Variants in ODAD2 observed in about 807,000 individuals in gnomAD.
ODAD2 encodes outer dynein arm docking complex subunit 2.
ODAD2 carries 89 observed loss-of-function variants against 106.8 expected under a neutral mutation model. The observed-to-expected ratio is 0.83, with a 90% confidence interval of 0.70 to 0.99. The LOEUF (loss-of-function observed/expected upper bound fraction) is 0.99, where lower values mean the gene tolerates loss of function less well. ODAD2 is among the 50% of genes least tolerant of loss of function. The pLI, the probability that ODAD2 is intolerant of heterozygous loss-of-function variation, is 0.00. For synonymous variants in ODAD2, 404 were observed against 436.2 expected (o/e 0.93, Z 0.92); for missense variants, 1,168 against 1,238.5 (o/e 0.94, Z 0.85).
intron 16 of ODAD2, among the ~76,000 whole-genome samples, chr10:27,917,196 T>A (rs1036877766): frequency 6.6e-6 from 1 of 152,154 alleles, no homozygotes; most frequent in African/African-American, 2.4e-5. Context: ...CCTGACCTTG[T>A]GGTTTTAAAC....
chr10:27,929,668 T>C (rs1845478580), intron 16 of ODAD2, among the ~76,000 whole-genome samples: 1 of 152,212 alleles, frequency 6.6e-6, no homozygotes, highest in Non-Finnish European at 1.5e-5. Context: ...AATATGATAT[T>C]GCCTTCACAT....
At chr10:27,969,623 C>A (rs1848703169) in intron 8 of ODAD2, among the ~76,000 whole-genome samples, 1 of 152,204 alleles carries the variant, frequency 6.6e-6, no homozygotes, top group Non-Finnish European at 1.5e-5. Context: ...CCAGTGTCTC[C>A]CCTCTCCACA....
At chr10:27,865,708 A>G (rs1840389394) in intron 17 of ODAD2, among the ~76,000 whole-genome samples, 3 of 152,236 alleles carry the variant, frequency 2.0e-5, no homozygotes, top group Admixed American at 2.0e-4. Context: ...ACTAACATTC[A>G]TTGAATTTGA....
At chr10:27,900,672 A>G (rs1368362479) in intron 17 of ODAD2, among the ~76,000 whole-genome samples, 1 of 152,208 alleles carries the variant, frequency 6.6e-6, no homozygotes, top group African/African-American at 2.4e-5. Flanking sequence ...AGCATACACA[A>G]GTACCAATAG....
intron 16 of ODAD2, 87 bp from the exon 17 acceptor site, chr10:27,907,864 T>TC (rs1335456570): frequency 1.4e-5 from 13 of 954,644 alleles, no homozygotes; most frequent in Non-Finnish European, 2.1e-5. Context: ...AATTATTTTT[T>TC]CTCCTTTTGA....
chr10:27,972,346 G>T (rs954875702), intron 7 of ODAD2, among the ~76,000 whole-genome samples: 1 of 151,838 alleles, frequency 6.6e-6, no homozygotes. Context: ...AATTCAAAAG[G>T]GGCAGAGGAA....
At chr10:27,978,192 TGATAGATGCAAAAGC>T (rs1437428977) in intron 7 of ODAD2, among the ~76,000 whole-genome samples, 5 of 152,060 alleles carry the variant, frequency 3.3e-5, no homozygotes, top group African/African-American at 4.8e-5. Flanking sequence ...AATAAATTAA[TGATAGATGCAAAAGC>T]ATAGATGAAT....
intron 17 of ODAD2, among the ~76,000 whole-genome samples, chr10:27,867,356 T>C (rs2152019): frequency 0.68 from 103,978 of 152,034 alleles, 35,693 homozygotes; most frequent in Middle Eastern, 0.75. Flanking sequence ...GGTGCTGGGG[T>C]GTTCTGTTAG....
At chr10:27,988,177 G>A (rs897168989) in intron 2 of ODAD2, among the ~76,000 whole-genome samples, 1 of 151,670 alleles carries the variant, frequency 6.6e-6, no homozygotes, top group African/African-American at 2.4e-5. Flanking sequence ...CCATTTTAAT[G>A]ATTTTTTTCA....
intron 16 of ODAD2, among the ~76,000 whole-genome samples, chr10:27,913,651 C>A (rs1339423399): frequency 6.6e-6 from 1 of 152,048 alleles, no homozygotes; most frequent in Non-Finnish European, 1.5e-5. Flanking sequence ...AGCTGAATAA[C>A]CCCATTGAAA....
intron 17 of ODAD2, among the ~76,000 whole-genome samples, chr10:27,872,656 G>A (rs150229125): frequency 0.012 from 1,811 of 152,224 alleles, 37 homozygotes; most frequent in African/African-American, 0.04. Flanking sequence ...GCTGGATTAC[G>A]TTTATTGATT....
At chr10:27,827,639 C>T (rs1403823706) in intron 19 of ODAD2, among the ~76,000 whole-genome samples, 5 of 152,036 alleles carry the variant, frequency 3.3e-5, no homozygotes, top group Non-Finnish European at 5.9e-5. Context: ...ACCCATTTCT[C>T]TTCATCTCCA....
chr10:27,865,668 T>C (rs1295457997), intron 17 of ODAD2, among the ~76,000 whole-genome samples: 1 of 152,220 alleles, frequency 6.6e-6, no homozygotes, highest in Non-Finnish European at 1.5e-5. Flanking sequence ...CTGGTACCTA[T>C]GCCAGTTTCT....
intron 10 of ODAD2, chr10:27,958,736 G>A (rs1847901471): frequency 2.7e-6 from 2 of 750,954 alleles, no homozygotes; most frequent in Non-Finnish European, 3.7e-6. Context: ...TACATGTGTT[G>A]TATTTCATTT....
intron 9 of ODAD2, among the ~76,000 whole-genome samples, chr10:27,962,713 C>T (rs80213855): frequency 0.021 from 3,197 of 151,998 alleles, 81 homozygotes; most frequent in African/African-American, 0.061. Flanking sequence ...ATATGCCCTA[C>T]GTCCCTGCAG....
chr10:27,833,027 G>C (rs1160073103), intron 19 of ODAD2, among the ~76,000 whole-genome samples: 1 of 152,122 alleles, frequency 6.6e-6, no homozygotes, highest in Non-Finnish European at 1.5e-5. Flanking sequence ...TGATGAAATT[G>C]TTACCTTAAG....
intron 17 of ODAD2, among the ~76,000 whole-genome samples, chr10:27,882,168 A>AG (rs1841752234): frequency 2.1e-5 from 3 of 140,908 alleles, no homozygotes; most frequent in African/African-American, 5.2e-5. Context: ...ACCTTGTCAT[A>AG]AAAAAAAAGA....
chr10:27,975,748 C>A (rs191608798), intron 7 of ODAD2, among the ~76,000 whole-genome samples: 1 of 152,214 alleles, frequency 6.6e-6, no homozygotes, highest in African/African-American at 2.4e-5. Flanking sequence ...AATATTAATT[C>A]TATACAAACT....
chr10:27,963,030 C>T (rs542168953), intron 9 of ODAD2, among the ~76,000 whole-genome samples: 80 of 149,112 alleles, frequency 5.4e-4, no homozygotes, highest in African/African-American at 1.8e-3. Context: ...TTTTTTTAGA[C>T]GAGATCTCGC....
Sources: gnomAD v4.1 joint callset for allele counts (sites outside exome capture counted in the v4.1 genomes callset) on GRCh38, gnomAD v4.1.1 for gene constraint, MANE v1.5 for transcripts, NCBI Gene and HGNC (gene_info 2026-07-23, HGNC 2026-07-21) for gene names.